Variants in AKAP7 observed in about 807,000 individuals in gnomAD.
AKAP7 encodes the protein A kinase (PRKA) anchor protein 7.
Under a neutral mutation model 39.5 loss-of-function variants are expected in AKAP7, and 39 were observed. The observed-to-expected ratio is 0.99, with a 90% CI of 0.76 to 1.29. The LOEUF (loss-of-function observed/expected upper bound fraction) is 1.29. AKAP7 is among the 50% of genes most tolerant of loss of function. AKAP7 has a pLI of 0.00. For missense variants in AKAP7, 414 were observed against 407.7 expected, an observed-to-expected ratio of 1.02 and a Z score of -0.13; for synonymous variants, 140 against 139.1, an observed-to-expected ratio of 1.01 and a Z score of -0.05.
At chr6:131,127,247 C>A in the AKAP7 span, among the ~76,000 whole-genome samples, 1 of 152,070 alleles carries the variant, frequency 6.6e-6, no homozygotes, top group Non-Finnish European at 1.5e-5. Context: ...GTTGGCCAGG[C>A]TGGTCTCTAA....
Position 131,160,131 on chromosome 6 carries a change from A to G in AKAP7, c.224A>G (p.Lys75Arg). The change falls in exon 3 of 8, where the codon AAG (lysine) becomes AGG (arginine). Residue 75 changes from lysine (K) to arginine (R), a missense_variant. Lys to Arg is a conservative substitution (Grantham distance 26, BLOSUM62 2). Coordinates refer to ENST00000431975, the MANE Select transcript of AKAP7 (RefSeq NM_016377.4). The part of the protein sequence containing the change: ...NEWVKSDQVK[K>R]RKKKRKDYQP... ...TGGGTCAAGAGTGATCAAGTAAAGAAGAGGAAAAAAAAGAGAAAAGATTAT... is the reference window on the plus strand; with the variant it reads ...TGGGTCAAGAGTGATCAAGTAAAGAGGAGGAAAAAAAAGAGAAAAGATTAT... 1.2e-6 allele frequency: 2 copies of G among 1,612,240 alleles called. No homozygotes were observed. Among genetic ancestry groups the G allele is most frequent in the South Asian group, 1.1e-5 (1 of 90,648 alleles).
intron 7 of AKAP7, chr6:131,250,172 G>A: frequency 1.0e-6 from 1 of 993,080 alleles, no homozygotes. Context: ...TACTGCAGTT[G>A]TCTGTAGGAG....
intron 7 of AKAP7, chr6:131,253,058 C>A (rs145800958): frequency 1.7e-5 from 28 of 1,613,516 alleles, no homozygotes; most frequent in Non-Finnish European, 2.2e-5. Flanking sequence ...AGCTCGTCCT[C>A]TGCAGTCCTA....
At chr6:131,267,741 A>G (rs1419519632) in intron 7 of AKAP7, among the ~76,000 whole-genome samples, 1 of 152,154 alleles carries the variant, frequency 6.6e-6, no homozygotes, top group East Asian at 1.9e-4. Flanking sequence ...CAGCTCAAAC[A>G]TCACCTCCTG....
At chr6:131,139,787 C>T (rs1036675291) in intron 1 of AKAP7, among the ~76,000 whole-genome samples, 6 of 152,186 alleles carry the variant, frequency 3.9e-5, no homozygotes, top group Admixed American at 2.6e-4. Flanking sequence ...ACTATGGTGA[C>T]GACACATGAT....
chr6:131,197,312 A>G (rs1034044069), intron 5 of AKAP7, among the ~76,000 whole-genome samples: 1 of 152,090 alleles, frequency 6.6e-6, no homozygotes, highest in African/African-American at 2.4e-5. Context: ...TGATGCTTTT[A>G]TTTCTTCGTA....
chr6:131,131,694 G>A (rs1369948707), upstream of AKAP7, among the ~76,000 whole-genome samples: 2 of 152,082 alleles, frequency 1.3e-5, no homozygotes, highest in African/African-American at 4.8e-5. Context: ...CAAAAGGGAT[G>A]GTCAGAGCGG....
intron 7 of AKAP7, among the ~76,000 whole-genome samples, chr6:131,251,876 A>AT (rs1812472259): frequency 6.6e-6 from 1 of 152,240 alleles, no homozygotes; most frequent in Non-Finnish European, 1.5e-5. Flanking sequence ...TGTCAGAATG[A>AT]TTTATTTGTA....
chr6:131,159,382 C>T (rs1284767297), intron 2 of AKAP7, among the ~76,000 whole-genome samples: 1 of 152,030 alleles, frequency 6.6e-6, no homozygotes, highest in African/African-American at 2.4e-5. Context: ...CGTGAGCCAC[C>T]GAGCCTGGCC....
intron 7 of AKAP7, among the ~76,000 whole-genome samples, chr6:131,263,967 T>C (rs1429310239): frequency 6.6e-6 from 1 of 152,230 alleles, no homozygotes; most frequent in Non-Finnish European, 1.5e-5. Context: ...TATGGGGATT[T>C]GCACCTCCAT....
chr6:131,142,888 G>C (rs1801164552), intron 1 of AKAP7, among the ~76,000 whole-genome samples: 1 of 152,254 alleles, frequency 6.6e-6, no homozygotes, highest in African/African-American at 2.4e-5. Flanking sequence ...AGTGTGCCCT[G>C]GATGTGGGAC....
intron 7 of AKAP7, among the ~76,000 whole-genome samples, chr6:131,253,824 T>C (rs1812641232): frequency 6.6e-6 from 1 of 152,206 alleles, no homozygotes; most frequent in Non-Finnish European, 1.5e-5. Flanking sequence ...TTTTTATGGC[T>C]GAATCGTATT....
intron 2 of AKAP7, among the ~76,000 whole-genome samples, chr6:131,147,556 A>C (rs1387175667): frequency 6.6e-6 from 1 of 152,262 alleles, no homozygotes; most frequent in East Asian, 1.9e-4. Flanking sequence ...TCTTAGAAAA[A>C]AGTGAGAATA....
intron 7 of AKAP7, among the ~76,000 whole-genome samples, chr6:131,223,999 A>G (rs1809933615): frequency 6.6e-6 from 1 of 152,072 alleles, no homozygotes; most frequent in African/African-American, 2.4e-5. Context: ...TTGCTGTTAC[A>G]CTTTCTAATT....
intron 5 of AKAP7, among the ~76,000 whole-genome samples, chr6:131,178,914 C>A (rs1804839101): frequency 6.6e-6 from 1 of 152,212 alleles, no homozygotes. Context: ...TCCCTGCCCA[C>A]TGTGCCCCAC....
At chr6:131,198,895 TCTTA>T (rs139541278) in intron 5 of AKAP7, among the ~76,000 whole-genome samples, 1,523 of 152,296 alleles carry the variant, frequency 0.01, 30 homozygotes, top group African/African-American at 0.035. Flanking sequence ...TTGGTACAAG[TCTTA>T]CTTCTCAAGT....
In AKAP7 at chr6:131,160,903, C is replaced by T. The variant is rs78374331; in HGVS notation, c.291+705C>T. Among the ~76,000 whole-genome samples the T allele has an allele frequency of 9.0e-3, 1,364 of 152,288 alleles. 16 individuals carry two copies. Among genetic ancestry groups the T allele is most frequent in the African/African-American group, 0.032 (1,319 of 41,564 alleles). ...CCTGAGAGAGAAAACTACTGCATCT[C>T]ATTACAACCACTGAAGCGGTGAGGT... On this transcript the variant is annotated intron_variant, in intron 3 of 7. Transcript: ENST00000431975.
Position 131,135,516 on chromosome 6 carries a change from G to GGCCGCCGCCGCT in AKAP7, c.-246_-245insCGCCGCCGCTGC, listed in dbSNP as rs1800452849. 6.2e-6 allele frequency: 1 copy of GGCCGCCGCCGCT among 162,076 alleles called. No homozygotes were observed. Among genetic ancestry groups the GGCCGCCGCCGCT allele is most frequent in the African/African-American group, 2.4e-5 (1 of 40,958 alleles). 10.0% of individuals were successfully genotyped at this position (162,076 alleles called of 1,614,324 possible). A position where few individuals can be genotyped will look rare whatever the true frequency, so the allele number is the denominator to read the frequency against. On this transcript the variant is annotated 5_prime_UTR_variant, in exon 1 of 8. Transcript: ENST00000431975. ...GGCATGCGGGTGCTGCGGCTGCTGC[G>GGCCGCCGCCGCT]GCTGCCGCCGCCGCTGCTGCCGCTG...
chr6:131,126,634 T>C, the AKAP7 span, among the ~76,000 whole-genome samples: 3 of 152,204 alleles, frequency 2.0e-5, no homozygotes, highest in East Asian at 5.8e-4. Flanking sequence ...CCTGCCCTCA[T>C]GGAGAAGCAG....
Sources: gnomAD v4.1 joint callset for allele counts (sites outside exome capture counted in the v4.1 genomes callset) on GRCh38, gnomAD v4.1.1 for gene constraint, MANE v1.5 for transcripts, NCBI Gene and HGNC (gene_info 2026-07-23, HGNC 2026-07-21) for gene names.